TENM3: variants seen among roughly 807,000 people sequenced by gnomAD.
TENM3 encodes teneurin transmembrane protein 3.
In TENM3, 63 loss-of-function variants were observed where a neutral mutation model predicts 255.1. That is an observed-to-expected ratio of 0.25 (90% CI 0.20 to 0.30). The LOEUF (loss-of-function observed/expected upper bound fraction) is 0.30. Among genes scored for constraint, TENM3 ranks in the 10% least tolerant of loss-of-function variants. TENM3 has a pLI of 1.00. For synonymous variants in TENM3, 1,306 were observed against 1,322.3 expected, an observed-to-expected ratio of 0.99 and a Z score of 0.27; for missense variants, 2,929 against 3,461.1, an observed-to-expected ratio of 0.85 and a Z score of 3.86.
chr4:182,643,651 A>G (rs950070121), intron 5 of TENM3, among the ~76,000 whole-genome samples: 11 of 152,176 alleles, frequency 7.2e-5, no homozygotes, highest in Admixed American at 2.0e-4. Context: ...AATACAAACA[A>G]AAGGCCCCAC....
At chr4:181,462,558 C>G in the TENM3 span, among the ~76,000 whole-genome samples, 8 of 152,158 alleles carry the variant, frequency 5.3e-5, no homozygotes, top group Non-Finnish European at 4.4e-5. Flanking sequence ...ACTGTCTTTT[C>G]AAATATTTTG....
chr4:182,243,901 G>C (rs978714557), intron 1 of TENM3, among the ~76,000 whole-genome samples: 3 of 149,456 alleles, frequency 2.0e-5, no homozygotes, highest in African/African-American at 4.9e-5. Flanking sequence ...TCTTCTCAAA[G>C]TGCTAACTGA....
chr4:182,455,321 G>A (rs796491879), intron 3 of TENM3, among the ~76,000 whole-genome samples: 1 of 152,048 alleles, frequency 6.6e-6, no homozygotes, highest in East Asian at 1.9e-4. Flanking sequence ...CTTAGACTAA[G>A]CTTTCCATTT....
At position 182,575,108 on chromosome 4, in the gene TENM3, A is replaced by G. The variant is rs1744791966; in HGVS notation, c.512-25816A>G. 2.0e-5 allele frequency among the ~76,000 whole-genome samples: 3 copies of G among 152,176 alleles called. No individual in the cohort carries two copies. The South Asian group carries it at 6.2e-4, about 32-fold the overall frequency. On this transcript the variant is annotated intron_variant, in intron 3 of 27. Transcript: ENST00000511685. ...ACATGTGGTAAAATCGTACAGAAGA[A>G]ATACACACACACACACCAGGAATAC...
chr4:181,483,940 C>G, the TENM3 span, among the ~76,000 whole-genome samples: 37 of 152,126 alleles, frequency 2.4e-4, no homozygotes, highest in Admixed American at 2.2e-3. Flanking sequence ...ATTTTCTATG[C>G]ATAGAATACA....
chr4:182,293,264 G>A (rs940039736), intron 1 of TENM3, among the ~76,000 whole-genome samples: 2 of 152,132 alleles, frequency 1.3e-5, no homozygotes, highest in Non-Finnish European at 2.9e-5. Flanking sequence ...TCTTTGAGGC[G>A]ATTCAGCAGA....
At chr4:181,613,954 G>T in the TENM3 span, among the ~76,000 whole-genome samples, 1 of 152,054 alleles carries the variant, frequency 6.6e-6, no homozygotes, top group South Asian at 2.1e-4. Context: ...AGAAAGGAAG[G>T]TCTTTGCAAA....
the TENM3 span, among the ~76,000 whole-genome samples, chr4:181,940,190 A>G: frequency 2.4e-4 from 36 of 152,338 alleles, no homozygotes; most frequent in Non-Finnish European, 3.8e-4. Context: ...TTTATAATGT[A>G]AAGTTGGTCT....
chr4:182,063,875 A>G, the TENM3 span, among the ~76,000 whole-genome samples: 1 of 152,212 alleles, frequency 6.6e-6, no homozygotes, highest in South Asian at 2.1e-4. Context: ...CCAGAGTATT[A>G]GGAATATTAG....
chr4:182,047,958 G>C, the TENM3 span, among the ~76,000 whole-genome samples: 1 of 152,122 alleles, frequency 6.6e-6, no homozygotes, highest in Non-Finnish European at 1.5e-5. Flanking sequence ...ATGCAGCCCA[G>C]TCGATTCCCC....
At chr4:182,679,210 T>TAA (rs11375881) in intron 7 of TENM3, among the ~76,000 whole-genome samples, 4 of 151,606 alleles carry the variant, frequency 2.6e-5, no homozygotes, top group East Asian at 3.9e-4. Flanking sequence ...AAATAAAATT[T>TAA]AAAAAAAAGA....
chr4:181,632,445 C>T, the TENM3 span, among the ~76,000 whole-genome samples: 1 of 151,976 alleles, frequency 6.6e-6, no homozygotes, highest in Non-Finnish European at 1.5e-5. Context: ...AAAATAGACT[C>T]CTGCATTCTA....
the TENM3 span, among the ~76,000 whole-genome samples, chr4:181,492,071 A>G: frequency 6.6e-6 from 1 of 152,188 alleles, no homozygotes; most frequent in Admixed American, 6.5e-5. Flanking sequence ...ATTAGCATTT[A>G]CTATTATGCA....
At chr4:182,626,670 T>C (rs925062788) in intron 4 of TENM3, among the ~76,000 whole-genome samples, 3 of 152,222 alleles carry the variant, frequency 2.0e-5, no homozygotes, top group African/African-American at 7.2e-5. Flanking sequence ...TAGGAGGTAC[T>C]GATGCTGCCT....
upstream of TENM3, among the ~76,000 whole-genome samples, chr4:182,241,894 C>T (rs978236712): frequency 1.3e-5 from 2 of 152,024 alleles, no homozygotes; most frequent in Admixed American, 6.6e-5. Flanking sequence ...AATGACTCTC[C>T]GTGGTCACAA....
chr4:182,615,936 C>T (rs988007859), intron 4 of TENM3, among the ~76,000 whole-genome samples: 1 of 152,162 alleles, frequency 6.6e-6, no homozygotes, highest in South Asian at 2.1e-4. Context: ...TGAAGTTAAA[C>T]TTAAGCTAAG....
At chr4:182,056,199 C>T in the TENM3 span, among the ~76,000 whole-genome samples, 1 of 152,248 alleles carries the variant, frequency 6.6e-6, no homozygotes, top group Middle Eastern at 3.4e-3. Flanking sequence ...GCTCAACCGT[C>T]TTAATGTGTA....
At chr4:182,285,508 T>A (rs1760678426) in intron 1 of TENM3, among the ~76,000 whole-genome samples, 1 of 152,158 alleles carries the variant, frequency 6.6e-6, no homozygotes, top group Non-Finnish European at 1.5e-5. Flanking sequence ...TTCTCAGCTA[T>A]CTGGGTAGAC....
At chr4:182,788,493 T>C (rs1765856627) in intron 24 of TENM3, among the ~76,000 whole-genome samples, 1 of 152,222 alleles carries the variant, frequency 6.6e-6, no homozygotes, top group Admixed American at 6.5e-5. Context: ...AGTAAAGGAC[T>C]CTGAAGTCCC....
Sources: allele counts gnomAD v4.1 joint callset (sites outside exome capture counted in the v4.1 genomes callset), GRCh38; gene constraint gnomAD v4.1.1; transcripts MANE v1.5; gene names NCBI Gene and HGNC (gene_info 2026-07-23, HGNC 2026-07-21).